The following PCDHGB6 variants were observed in gnomAD, a reference collection of about 807,000 sequenced individuals.
PCDHGB6 encodes the protein protocadherin gamma-B6.
In PCDHGB6, 51 loss-of-function variants were observed where a neutral mutation model predicts 59.1. That is an observed-to-expected ratio of 0.86 (90% CI 0.69 to 1.09). PCDHGB6 has a LOEUF of 1.09. PCDHGB6 is among the 50% of genes least tolerant of loss of function. The pLI is 0.00. For missense variants in PCDHGB6, 1,148 were observed against 1,205.1 expected (o/e 0.95, Z 0.70); for synonymous variants, 466 against 495.1 (o/e 0.94, Z 0.78).
Position 141,505,432 on chromosome 5 carries a change from C to T in PCDHGB6, c.2517C>T (p.Asn839=), listed in dbSNP as rs776731214. Residue 839 remains asparagine, a synonymous_variant, in exon 3 of 4, where the codon AAC becomes AAT. Transcript: ENST00000520790. ...ATGACACCGGCACCTGGCCCAACAA[C>T]CAGTTTGACACAGAGATGCTGCAAG... ...NGDDTGTWPN[N]QFDTEMLQAM... 6.2e-7 allele frequency: 1 copy of T among 1,614,252 alleles called. No homozygotes were observed. Among genetic ancestry groups the T allele is most frequent in the Non-Finnish European group, 8.5e-7 (1 of 1,180,048 alleles).
intron 1 of PCDHGB6, chr5:141,419,043 ATTC>A (rs560207463): frequency 6.2e-5 from 100 of 1,613,840 alleles, no homozygotes; most frequent in Non-Finnish European, 8.1e-5. Context: ...TTTAAGATTC[ATTC>A]TTCTTCTAAT....
At chr5:141,447,238 C>G (rs1028683423) in intron 1 of PCDHGB6, among the ~76,000 whole-genome samples, 2 of 152,148 alleles carry the variant, frequency 1.3e-5, no homozygotes, top group Non-Finnish European at 2.9e-5. Context: ...CTCCCGGGTT[C>G]AAGTGATTCT....
intron 1 of PCDHGB6, among the ~76,000 whole-genome samples, chr5:141,454,900 C>T (rs1411402448): frequency 1.4e-5 from 2 of 145,486 alleles, no homozygotes; most frequent in African/African-American, 2.6e-5. Flanking sequence ...CACCGCCTCC[C>T]GGGTTCACGC....
chr5:141,448,983 T>G (rs1157371020), intron 1 of PCDHGB6, among the ~76,000 whole-genome samples: 1 of 152,004 alleles, frequency 6.6e-6, no homozygotes, highest in East Asian at 1.9e-4. Flanking sequence ...ACTTCCATAT[T>G]AATATATAGA....
chr5:141,476,725 C>G lies in PCDHGB6; in HGVS notation c.2419-18082C>G. On this transcript the variant is annotated intron_variant, in intron 1 of 3. Coordinates refer to ENST00000520790, the MANE Select transcript of PCDHGB6 (RefSeq NM_018926.3). This position sits in a 1 kb window ranked among gnomAD's most constrained non-coding sequence, Gnocchi z 7.6. ...AGCTGGTGTTGGAGCGCGCCCTGGA[C>G]CGAGAACGGGAGCCTAGTCTCCAGT... The G allele has an allele frequency of 6.2e-7, 1 of 1,614,132 alleles. No homozygotes were observed. Among genetic ancestry groups the G allele is most frequent in the Non-Finnish European group, 8.5e-7 (1 of 1,180,038 alleles).
chr5:141,427,355 C>A (rs765449381), intron 1 of PCDHGB6: 9 of 457,430 alleles, frequency 2.0e-5, no homozygotes, highest in Non-Finnish European at 3.5e-5. Context: ...TAACTGAGGA[C>A]GCAGAACCCT....
intron 1 of PCDHGB6, among the ~76,000 whole-genome samples, chr5:141,447,787 T>C (rs1025269338): frequency 1.3e-5 from 2 of 152,106 alleles, no homozygotes; most frequent in Non-Finnish European, 2.9e-5. Context: ...TGAAAATAAA[T>C]TTAAGAAAAT....
chr5:141,417,861 T>A, intron 1 of PCDHGB6: 3 of 1,549,554 alleles, frequency 1.9e-6, no homozygotes, highest in Non-Finnish European at 2.6e-6. Context: ...GAGCGAACGA[T>A]GGGAGGGAGC....
Position 141,489,652 on chromosome 5 carries a change from C to T in PCDHGB6, c.2419-5155C>T, listed in dbSNP as rs767143028. The T allele has an allele frequency of 3.1e-6, 5 of 1,614,024 alleles. No individual in the cohort carries two copies. Among genetic ancestry groups the T allele is most frequent in the Non-Finnish European group, 4.2e-6 (5 of 1,180,026 alleles). ...CTCTCCTAGCTTTGCCACCCCTGAG[C>T]GAGAGATGCGCATCTCAGAATCAGC... On this transcript the variant is annotated intron_variant, in intron 1 of 3. Coordinates refer to ENST00000520790, the MANE Select transcript of PCDHGB6 (RefSeq NM_018926.3). The surrounding 1 kb of genome is among the most constrained non-coding windows in gnomAD (Gnocchi z 4.5).
Position 141,431,248 on chromosome 5 carries a change from G to A in PCDHGB6, c.2418+20628G>A. ...CCCACGCCTGGGATCCGGATATCGGGAAGAACTCTCTGCAGAGCTACGAGC... is the reference window on the plus strand; with the variant it reads ...CCCACGCCTGGGATCCGGATATCGGAAAGAACTCTCTGCAGAGCTACGAGC... On this transcript the variant is annotated intron_variant, in intron 1 of 3. Transcript: ENST00000520790. This position sits in a 1 kb window ranked among gnomAD's most constrained non-coding sequence, Gnocchi z 4.8. 2 of 1,614,140 alleles carry A rather than the reference G, an allele frequency of 1.2e-6. No homozygotes were observed. Among genetic ancestry groups the A allele is most frequent in the Non-Finnish European group, 1.7e-6 (2 of 1,180,048 alleles).
chr5:141,433,406 TTA>T (rs2097606059), intron 1 of PCDHGB6, among the ~76,000 whole-genome samples: 1 of 149,982 alleles, frequency 6.7e-6, no homozygotes. Flanking sequence ...TATCTATCTA[TTA>T]CTTTCTTGTA....
At chr5:141,456,217 A>G (rs1328039447) in intron 1 of PCDHGB6, among the ~76,000 whole-genome samples, 1 of 152,064 alleles carries the variant, frequency 6.6e-6, no homozygotes, top group East Asian at 1.9e-4. Context: ...CCCTGTGGCG[A>G]TATCAAACTA....
chr5:141,420,269 A>G, intron 1 of PCDHGB6: 1 of 1,544,558 alleles, frequency 6.5e-7, no homozygotes, highest in Admixed American at 2.0e-5. Flanking sequence ...GAAGATTCTT[A>G]AACAGGTAAG....
At chr5:141,417,795 T>C in intron 1 of PCDHGB6, 1 of 1,483,780 alleles carries the variant, frequency 6.7e-7, no homozygotes, top group Non-Finnish European at 9.0e-7. Context: ...AATGCTCTTT[T>C]AGCGCGGTAG....
intron 1 of PCDHGB6, among the ~76,000 whole-genome samples, chr5:141,455,650 C>T (rs1176718096): frequency 2.6e-5 from 4 of 151,994 alleles, no homozygotes; most frequent in African/African-American, 9.7e-5. Flanking sequence ...AGCCATGTGG[C>T]CAGGAACTTG....
rs779183487 is a variant in PCDHGB6, at chr5:141,430,845, C to T, written c.2418+20225C>T. ...GGGACTCTGTGGGAGACCGGATGCA[C>T]CCAGATACGCTATTCAGTTCCGGAA... On this transcript the variant is annotated intron_variant, in intron 1 of 3. Coordinates refer to ENST00000520790, the MANE Select transcript of PCDHGB6 (RefSeq NM_018926.3). 27 of 1,575,514 alleles carry T rather than the reference C, an allele frequency of 1.7e-5. No individual in the cohort carries two copies. In the African/African-American group the frequency reaches 3.7e-4, roughly 21 times the overall value.
At chr5:141,415,818 A>C in intron 1 of PCDHGB6, 11 of 1,325,038 alleles carry the variant, frequency 8.3e-6, no homozygotes, top group Non-Finnish European at 8.7e-6. Flanking sequence ...CCTATATATC[A>C]TAAGGCTTTG....
At chr5:141,507,786 G>A (rs536470814) in intron 3 of PCDHGB6, among the ~76,000 whole-genome samples, 3 of 152,292 alleles carry the variant, frequency 2.0e-5, no homozygotes, top group East Asian at 1.9e-4. Context: ...CCTGACCCTC[G>A]TCTAAGCCTG....
chr5:141,436,600 G>C (rs1054182433), intron 1 of PCDHGB6, among the ~76,000 whole-genome samples: 2 of 152,154 alleles, frequency 1.3e-5, no homozygotes, highest in African/African-American at 2.4e-5. Context: ...CGTGGTGATG[G>C]CTAGGGCTAA....
Sources: allele counts gnomAD v4.1 joint callset (sites outside exome capture counted in the v4.1 genomes callset), GRCh38; gene constraint gnomAD v4.1.1; non-coding constraint Gnocchi (gnomAD v3.1); transcripts MANE v1.5; gene names NCBI Gene and HGNC (gene_info 2026-07-23, HGNC 2026-07-21).